Variants in ZNF516 observed in about 807,000 individuals in gnomAD.
The protein encoded by ZNF516 is zinc finger protein 516.
In ZNF516, 19 loss-of-function variants were observed where a neutral mutation model predicts 79.7. That is an observed-to-expected ratio of 0.24 (90% CI 0.17 to 0.35). ZNF516 has a LOEUF of 0.35. Among genes scored for constraint, ZNF516 ranks in the 10% least tolerant of loss-of-function variants. ZNF516 has a pLI of 1.00. For synonymous variants in ZNF516, 877 were observed against 739.5 expected (o/e 1.19, Z -3.02); for missense variants, 1,678 against 1,679.5 (o/e 1.00, Z 0.02).
intron 1 of ZNF516, among the ~76,000 whole-genome samples, chr18:76,465,180 A>G (rs1328896385): frequency 1.3e-5 from 2 of 152,222 alleles, no homozygotes; most frequent in African/African-American, 4.8e-5. Context: ...AACTAAGCAC[A>G]AGCTATTTTC....
At chr18:76,477,521 G>A (rs1914243864) in intron 1 of ZNF516, among the ~76,000 whole-genome samples, 1 of 152,206 alleles carries the variant, frequency 6.6e-6, no homozygotes, top group African/African-American at 2.4e-5. Context: ...GACAAAAGGC[G>A]AGATTCGTTC....
chr18:76,399,785 C>A (rs2075193812), intron 3 of ZNF516, among the ~76,000 whole-genome samples: 1 of 152,258 alleles, frequency 6.6e-6, no homozygotes, highest in East Asian at 1.9e-4. Flanking sequence ...TGGGTGACAT[C>A]GTCCATTCAA....
In ZNF516 at chr18:76,476,821, G is replaced by C. The variant is rs147484912; in HGVS notation, c.-271-13680C>G. ...AACAACTATAAATTTCACATGACTGGATAGAAACAGCCTAAGCTCTTGAGC... is the reference window on the plus strand; with the variant it reads ...AACAACTATAAATTTCACATGACTGCATAGAAACAGCCTAAGCTCTTGAGC... On this transcript the variant is annotated intron_variant, in intron 1 of 6. Coordinates refer to ENST00000443185, the MANE Select transcript of ZNF516 (RefSeq NM_014643.4). Among the ~76,000 whole-genome samples the C allele has an allele frequency of 2.6e-4, 39 of 152,294 alleles. 1 individual carries two copies. In the East Asian group the frequency reaches 6.9e-3, roughly 27 times the overall value.
intron 1 of ZNF516, among the ~76,000 whole-genome samples, chr18:76,469,439 A>G (rs879828954): frequency 6.6e-6 from 1 of 152,232 alleles, no homozygotes; most frequent in Admixed American, 6.5e-5. Flanking sequence ...TTTAGGTTAC[A>G]TATTTTCCTT....
intron 3 of ZNF516, among the ~76,000 whole-genome samples, chr18:76,396,347 A>G (rs1436667551): frequency 6.6e-6 from 1 of 152,198 alleles, no homozygotes; most frequent in African/African-American, 2.4e-5. Flanking sequence ...TATGGCGCGC[A>G]GGGTCACCCT....
chr18:76,384,609 C>T (rs190474300), intron 3 of ZNF516, among the ~76,000 whole-genome samples: 4 of 148,988 alleles, frequency 2.7e-5, no homozygotes, highest in African/African-American at 1.0e-4. Context: ...CATCCCCCAC[C>T]CCCCCTACAG....
chr18:76,430,747 G>C (rs77968695), intron 3 of ZNF516, among the ~76,000 whole-genome samples: 1 of 152,152 alleles, frequency 6.6e-6, no homozygotes, highest in Non-Finnish European at 1.5e-5. Context: ...AGTGCTGAAC[G>C]TAACTATTCT....
At position 76,441,999 on chromosome 18, in the gene ZNF516, G is replaced by C; in HGVS notation, c.1056C>G (p.Ala352=). ...CGACTCTGCGGTGGATGGCATTGTG[G>C]GCGTTCAAGCTGTCCAGGTTTGTAA... ...NLFTNLDSLN[A]HNAIHRRVEA... The change falls in exon 3 of 7, where the codon GCC becomes GCG. Residue 352 remains alanine (A), a synonymous_variant. Coordinates refer to ENST00000443185, the MANE Select transcript of ZNF516 (RefSeq NM_014643.4). The C allele has an allele frequency of 1.2e-6, 2 of 1,613,588 alleles. No homozygotes were observed. Among genetic ancestry groups the C allele is most frequent in the Non-Finnish European group, 8.5e-7 (1 of 1,179,846 alleles).
chr18:76,398,625 T>A (rs2145197207), intron 3 of ZNF516, among the ~76,000 whole-genome samples: 1 of 146,070 alleles, frequency 6.8e-6, no homozygotes, highest in Middle Eastern at 3.7e-3. Flanking sequence ...TGGGGGCCTT[T>A]CTGAAGGAAT....
At chr18:76,411,538 G>T (rs1368266341) in intron 3 of ZNF516, among the ~76,000 whole-genome samples, 2 of 152,158 alleles carry the variant, frequency 1.3e-5, no homozygotes, top group Non-Finnish European at 2.9e-5. Context: ...GAGCAGCAAA[G>T]GTGGGGAACA....
At chr18:76,367,825 A>C (rs746478661) in intron 6 of ZNF516, among the ~76,000 whole-genome samples, 5 of 152,240 alleles carry the variant, frequency 3.3e-5, no homozygotes, top group Admixed American at 6.5e-5. Flanking sequence ...ATTGTTAGTA[A>C]GTGAATAAAT....
In ZNF516 at chr18:76,392,513, T is replaced by C. The variant is rs577108819; in HGVS notation, c.1811-12210A>G. On this transcript the variant is annotated intron_variant, in intron 3 of 6. Transcript: ENST00000443185. ...CCAGCTGGGAAGGCAGGTGGGAAGG[T>C]AGGTGGCCAGGTGGGGGAAAGGTGG... 1.5e-3 allele frequency among the ~76,000 whole-genome samples: 182 copies of C among 124,988 alleles called. 1 individual carries two copies. The highest frequency in any genetic ancestry group is 6.1e-3 in the African/African-American group (172 of 28,130). 82.0% of individuals were successfully genotyped at this position (124,988 alleles called of 152,430 possible). A position where few individuals can be genotyped will look rare whatever the true frequency, so the allele number is the denominator to read the frequency against.
intron 1 of ZNF516, among the ~76,000 whole-genome samples, chr18:76,482,885 A>C (rs1914608484): frequency 6.6e-6 from 1 of 152,212 alleles, no homozygotes; most frequent in Admixed American, 6.5e-5. Context: ...TGATTAAATA[A>C]GTCTTTGCAT....
intron 1 of ZNF516, among the ~76,000 whole-genome samples, chr18:76,466,014 G>C (rs1031007099): frequency 6.6e-6 from 1 of 152,148 alleles, no homozygotes; most frequent in African/African-American, 2.4e-5. Flanking sequence ...GCTGGGCAAA[G>C]ACACACCATT....
At position 76,444,748 on chromosome 18, in the gene ZNF516, C is replaced by T. The variant is rs576199301; in HGVS notation, c.-157-1537G>A. On this transcript the variant is annotated intron_variant, in intron 2 of 6. Coordinates refer to ENST00000443185, the MANE Select transcript of ZNF516 (RefSeq NM_014643.4). ...CAAGAGTGTCCCCATACCTCCCCCA[C>T]GGGGGTCGGGGATTCTGAGCATTTT... Among the ~76,000 whole-genome samples the T allele has an allele frequency of 5.9e-5, 9 of 152,288 alleles. No homozygotes were observed. The South Asian group carries it at 6.2e-4, about 11-fold the overall frequency.
intron 1 of ZNF516, among the ~76,000 whole-genome samples, chr18:76,485,916 A>AAATAATAATAATAATAATAATAAT (rs147558930): frequency 1.3e-5 from 2 of 148,414 alleles, no homozygotes; most frequent in African/African-American, 2.4e-5. Flanking sequence ...TTTTTGACAA[A>AAATAATAATAATAATAATAATAAT]AATAATAATA....
chr18:76,420,077 G>A (rs986935655), intron 3 of ZNF516, among the ~76,000 whole-genome samples: 2 of 152,254 alleles, frequency 1.3e-5, no homozygotes, highest in African/African-American at 4.8e-5. Flanking sequence ...AGGTGCTGAG[G>A]TGCTTTTGTT....
intron 1 of ZNF516, among the ~76,000 whole-genome samples, chr18:76,477,802 T>C (rs1228274510): frequency 6.6e-6 from 1 of 152,056 alleles, no homozygotes; most frequent in South Asian, 2.1e-4. Context: ...TGCAAACTCA[T>C]TACACTGCAT....
chr18:76,434,702 G>C (rs760302931), intron 3 of ZNF516, among the ~76,000 whole-genome samples: 3 of 152,196 alleles, frequency 2.0e-5, no homozygotes, highest in Non-Finnish European at 2.9e-5. Flanking sequence ...ACGCATTCCT[G>C]CCCCTCGCGG....
Sources: gnomAD v4.1 joint callset for allele counts (sites outside exome capture counted in the v4.1 genomes callset) on GRCh38, gnomAD v4.1.1 for gene constraint, MANE v1.5 for transcripts, NCBI Gene and HGNC (gene_info 2026-07-23, HGNC 2026-07-21) for gene names.